Variants in PRKN observed in about 807,000 individuals in gnomAD.
The protein encoded by PRKN is E3 ubiquitin-protein ligase parkin.
A neutral mutation model predicts 59.5 loss-of-function variants in PRKN; 56 were observed. That is an observed-to-expected ratio of 0.94 (90% CI 0.76 to 1.18). The LOEUF (loss-of-function observed/expected upper bound fraction) is 1.18. Ranked by LOEUF, PRKN falls within the 50% of genes most tolerant of loss-of-function variation. PRKN has a pLI of 0.00. For missense variants in PRKN, 657 were observed against 596.4 expected (o/e 1.10, Z -1.06); for synonymous variants, 250 against 222.1 (o/e 1.13, Z -1.12).
intron 6 of PRKN, among the ~76,000 whole-genome samples, chr6:161,864,168 C>G (rs1794018870): frequency 6.6e-6 from 1 of 152,120 alleles, no homozygotes; most frequent in South Asian, 2.1e-4. Context: ...GCATATGGTG[C>G]TATTTGATTA....
At position 162,182,459 on chromosome 6, in the gene PRKN, C is replaced by T. The variant is rs1247441617; in HGVS notation, c.534+18672G>A. Among the ~76,000 whole-genome samples the T allele has an allele frequency of 3.9e-5, 6 of 152,198 alleles. No individual in the cohort carries two copies. In the South Asian group the frequency reaches 6.2e-4, roughly 16 times the overall value. The stretch of plus-strand genomic sequence containing the variant: ...GCTGAAGCCTGTCTATGGAACTGGG[C>T]GGGGTGGATCTACCGGGAGTCTACT... On this transcript the variant is annotated intron_variant, in intron 4 of 11. Coordinates refer to ENST00000366898, the MANE Select transcript of PRKN (RefSeq NM_004562.3).
In PRKN at chr6:161,355,512, G is replaced by C. The variant is rs891862044; in HGVS notation, c.1285+4576C>G. 1.3e-5 allele frequency among the ~76,000 whole-genome samples: 2 copies of C among 152,156 alleles called. No homozygotes were observed. Among genetic ancestry groups the C allele is most frequent in the South Asian group, 4.1e-4 (2 of 4,824 alleles). ...CACCTCCTGGGTTCAACCAATTCTT[G>C]TGTCTCGGCCTCCCGAGTAGCTGGG... On this transcript the variant is annotated intron_variant, in intron 11 of 11. Transcript: ENST00000366898. The surrounding 1 kb of genome is among the most constrained non-coding windows in gnomAD (Gnocchi z 6.8).
At chr6:161,491,961 T>C (rs1165817101) in intron 9 of PRKN, among the ~76,000 whole-genome samples, 1 of 152,196 alleles carries the variant, frequency 6.6e-6, no homozygotes, top group Non-Finnish European at 1.5e-5. Flanking sequence ...CCTTGTTTTT[T>C]ATCCTTTCTA....
intron 6 of PRKN, among the ~76,000 whole-genome samples, chr6:161,815,068 G>A (rs1413082874): frequency 6.6e-6 from 1 of 152,162 alleles, no homozygotes; most frequent in Non-Finnish European, 1.5e-5. Flanking sequence ...CACATACCAG[G>A]GAACTAAGTC....
At chr6:161,942,445 C>T (rs187651928) in intron 6 of PRKN, among the ~76,000 whole-genome samples, 2 of 152,112 alleles carry the variant, frequency 1.3e-5, no homozygotes, top group East Asian at 1.9e-4. Context: ...GCAGGAGAAT[C>T]GCTTGAACCC....
intron 6 of PRKN, among the ~76,000 whole-genome samples, chr6:161,902,550 T>TATCTATCTATCTATCTATC (rs1554245408): frequency 0.077 from 7,750 of 100,148 alleles, 333 homozygotes; most frequent in Middle Eastern, 0.12. Flanking sequence ...ATCTATCTAT[T>TATCTATCTATCTATCTATC]TATTTATTTA....
chr6:162,114,275 G>A (rs1326958952), intron 4 of PRKN, among the ~76,000 whole-genome samples: 1 of 151,866 alleles, frequency 6.6e-6, no homozygotes, highest in Non-Finnish European at 1.5e-5. Context: ...GCTTGATGGG[G>A]ATGGCATTGA....
chr6:162,006,600 T>C (rs1201871717), intron 5 of PRKN, among the ~76,000 whole-genome samples: 2 of 152,168 alleles, frequency 1.3e-5, no homozygotes, highest in Non-Finnish European at 2.9e-5. Flanking sequence ...CTGTCCTCCT[T>C]TCAGCTCTTC....
rs902545939 is a variant in PRKN, at chr6:161,714,456, C to T, written c.871+71316G>A. ...TGAAGACACAGCAAGGAGGTGTCAT[C>T]GTGCAAGCAGAGAGCAGCCCTCACC... On this transcript the variant is annotated intron_variant, in intron 7 of 11. Coordinates refer to ENST00000366898, the MANE Select transcript of PRKN (RefSeq NM_004562.3). 3.9e-5 allele frequency among the ~76,000 whole-genome samples: 6 copies of T among 152,128 alleles called. No homozygotes were observed. In the South Asian group the frequency reaches 6.2e-4, roughly 16 times the overall value.
chr6:161,675,658 T>C (rs1486589943), intron 7 of PRKN, among the ~76,000 whole-genome samples: 1 of 152,156 alleles, frequency 6.6e-6, no homozygotes, highest in Non-Finnish European at 1.5e-5. Context: ...CCGTTTTGTC[T>C]TTTTCTCCTC....
Position 162,262,745 on chromosome 6 carries a change from C to T in PRKN, c.192G>A (p.Gln64=). 4 of 1,602,608 alleles carry T rather than the reference C, an allele frequency of 2.5e-6. No individual in the cohort carries two copies. The highest frequency in any genetic ancestry group is 3.4e-6 in the Non-Finnish European group (4 of 1,177,054). The change falls in exon 3 of 12, where the codon CAG becomes CAA. Residue 64 remains glutamine, a synonymous_variant. Coordinates refer to ENST00000366898, the MANE Select transcript of PRKN (RefSeq NM_004562.3). ...GTCTCTGCACAATGTGAACAATGCT[C>T]TGCTGATCCAGGTCACAATTCTGTT... ...WTVQNCDLDQ[Q]SIVHIVQRPW...
chr6:161,418,997 T>G (rs1050141490), intron 9 of PRKN, among the ~76,000 whole-genome samples: 9 of 152,180 alleles, frequency 5.9e-5, no homozygotes, highest in Non-Finnish European at 1.3e-4. Flanking sequence ...CATAGAAAAT[T>G]AGAAGTGAGG....
At chr6:161,897,775 A>C (rs1008626370) in intron 6 of PRKN, among the ~76,000 whole-genome samples, 8 of 150,092 alleles carry the variant, frequency 5.3e-5, no homozygotes, top group African/African-American at 1.7e-4. Flanking sequence ...AGGTCAGGAG[A>C]TCGAGACCAA....
Position 161,397,076 on chromosome 6 carries a change from C to T in PRKN, c.1084-10199G>A, listed in dbSNP as rs1159194310. On this transcript the variant is annotated intron_variant, in intron 9 of 11. Transcript: ENST00000366898. The surrounding 1 kb of genome is among the most constrained non-coding windows in gnomAD (Gnocchi z 4.2). ...TGATCAAGGTGTTTTCTTCCCAAGC[C>T]CTGTTTCTTACTCATACCTCTATTA... 6.6e-6 allele frequency among the ~76,000 whole-genome samples: 1 copy of T among 152,166 alleles called. No homozygotes were observed. The highest frequency in any genetic ancestry group is 1.5e-5 in the Non-Finnish European group (1 of 68,026).
At chr6:162,562,232 G>A (rs1779875229) in intron 1 of PRKN, among the ~76,000 whole-genome samples, 1 of 152,162 alleles carries the variant, frequency 6.6e-6, no homozygotes, top group Non-Finnish European at 1.5e-5. Context: ...AAAGGAGCTG[G>A]TGCCAGCAGC....
intron 1 of PRKN, among the ~76,000 whole-genome samples, chr6:162,527,999 A>G (rs1462712027): frequency 7.1e-6 from 1 of 140,294 alleles, no homozygotes; most frequent in African/African-American, 2.7e-5. Flanking sequence ...ACTGAATTTA[A>G]TATTTACTCA....
At chr6:161,571,413 T>C (rs1780884660) in intron 7 of PRKN, among the ~76,000 whole-genome samples, 2 of 152,180 alleles carry the variant, frequency 1.3e-5, no homozygotes, top group African/African-American at 2.4e-5. Flanking sequence ...AGCATTGTGA[T>C]GTGAGAGTGG....
At chr6:162,611,913 T>A (rs147746890) in intron 1 of PRKN, among the ~76,000 whole-genome samples, 7 of 151,910 alleles carry the variant, frequency 4.6e-5, no homozygotes, top group East Asian at 3.9e-4. Flanking sequence ...CAGCGGGGCG[T>A]GGTGGCTCAC....
chr6:161,990,712 T>G (rs1781613296), intron 5 of PRKN, among the ~76,000 whole-genome samples: 1 of 152,002 alleles, frequency 6.6e-6, no homozygotes, highest in African/African-American at 2.4e-5. Context: ...GTTAAAAAAT[T>G]TTAAAAAATT....
Sources: gnomAD v4.1 joint callset for allele counts (sites outside exome capture counted in the v4.1 genomes callset) on GRCh38, gnomAD v4.1.1 for gene constraint, Gnocchi (gnomAD v3.1) non-coding constraint, MANE v1.5 for transcripts, NCBI Gene and HGNC (gene_info 2026-07-23, HGNC 2026-07-21) for gene names.